TNS3: variants seen among roughly 807,000 people sequenced by gnomAD.
The protein encoded by TNS3 is tensin 3, also known as tensin-3.
Under a neutral mutation model 140.9 loss-of-function variants are expected in TNS3, and 45 were observed. The ratio of observed to expected loss-of-function variants is 0.32; its 90% CI spans 0.25 to 0.41. The LOEUF (loss-of-function observed/expected upper bound fraction) is 0.41. Ranked by LOEUF, TNS3 falls within the 10% of genes least tolerant of loss-of-function variation. The pLI is 1.00. For missense variants in TNS3, 1,716 were observed against 1,906.7 expected (o/e 0.90, Z 1.86); for synonymous variants, 815 against 788.4 (o/e 1.03, Z -0.56).
chr7:47,568,684 C>T (rs1426341687), intron 1 of TNS3, among the ~76,000 whole-genome samples: 2 of 152,262 alleles, frequency 1.3e-5, no homozygotes, highest in Non-Finnish European at 2.9e-5. Flanking sequence ...GGTCTATGAG[C>T]GGCTGCTGTG....
chr7:47,411,887 C>T, intron 12 of TNS3, 85 bp from the exon 13 acceptor site: 2 of 1,274,670 alleles, frequency 1.6e-6, no homozygotes, highest in Non-Finnish European at 2.2e-6. Flanking sequence ...AACCCTACAA[C>T]CCAAAACTCA....
At chr7:47,342,785 G>T (rs1276568361) in intron 20 of TNS3, among the ~76,000 whole-genome samples, 1 of 152,150 alleles carries the variant, frequency 6.6e-6, no homozygotes, top group East Asian at 1.9e-4. Context: ...AAAGATCAGG[G>T]GACACATTCT....
At chr7:47,471,775 C>A (rs1392638937) in intron 4 of TNS3, among the ~76,000 whole-genome samples, 4 of 152,208 alleles carry the variant, frequency 2.6e-5, no homozygotes, top group African/African-American at 9.6e-5. Context: ...CAGCTCCTCG[C>A]GGCCCATGTC....
intron 8 of TNS3, among the ~76,000 whole-genome samples, chr7:47,434,309 G>GAAA (rs34227350): frequency 5.4e-5 from 7 of 130,710 alleles, no homozygotes; most frequent in Non-Finnish European, 8.1e-5. Context: ...GAGTCCGGAA[G>GAAA]AAAAAAAAAA....
chr7:47,367,999 T>C (rs951120522), intron 17 of TNS3, among the ~76,000 whole-genome samples: 5 of 152,004 alleles, frequency 3.3e-5, no homozygotes, highest in African/African-American at 1.2e-4. Flanking sequence ...CAGAAGTAAG[T>C]ATGCTTTCTT....
At chr7:47,281,592 G>C (rs1355455255) in intron 28 of TNS3, among the ~76,000 whole-genome samples, 1 of 152,202 alleles carries the variant, frequency 6.6e-6, no homozygotes, top group East Asian at 1.9e-4. Context: ...GCTGATTGTT[G>C]GTGAGAAGAT....
intron 20 of TNS3, among the ~76,000 whole-genome samples, chr7:47,328,111 T>C (rs969960965): frequency 1.3e-5 from 2 of 152,142 alleles, no homozygotes; most frequent in Non-Finnish European, 2.9e-5. Context: ...GTCCCAGCGG[T>C]GGCGTCCCCC....
chr7:47,574,691 C>T (rs566019891), intron 1 of TNS3, among the ~76,000 whole-genome samples: 3 of 151,980 alleles, frequency 2.0e-5, no homozygotes, highest in Non-Finnish European at 4.4e-5. Context: ...AGAGAGAAAT[C>T]GTGACACATG....
intron 1 of TNS3, among the ~76,000 whole-genome samples, chr7:47,544,345 G>A (rs576840364): frequency 1.3e-5 from 2 of 152,044 alleles, no homozygotes; most frequent in African/African-American, 2.4e-5. Flanking sequence ...ATGGTAAAAC[G>A]GACCCCCACA....
At chr7:47,413,067 C>T (rs1172743643) in intron 12 of TNS3, among the ~76,000 whole-genome samples, 1 of 151,704 alleles carries the variant, frequency 6.6e-6, no homozygotes, top group African/African-American at 2.4e-5. Context: ...AATTCTCCTG[C>T]CTCAGCCTCC....
intron 13 of TNS3, chr7:47,405,694 C>T (rs1206085580): frequency 3.0e-6 from 2 of 662,888 alleles, no homozygotes; most frequent in Non-Finnish European, 5.5e-6. Flanking sequence ...CAAAATAATG[C>T]TGTGATGCGT....
At chr7:47,389,166 C>CAGCAGA (rs879867974) in intron 16 of TNS3, among the ~76,000 whole-genome samples, 493 of 3,702 alleles carry the variant, frequency 0.13, 50 homozygotes, top group Non-Finnish European at 0.46. Flanking sequence ...GCAGAAGAAG[C>CAGCAGA]AGCAGAAGCA....
At chr7:47,285,969 C>T (rs760031673) in intron 27 of TNS3, among the ~76,000 whole-genome samples, 1 of 152,116 alleles carries the variant, frequency 6.6e-6, no homozygotes, top group Non-Finnish European at 1.5e-5. Context: ...ATGATTAGAA[C>T]GGGAAAATGA....
At chr7:47,322,308 G>C (rs1180399064) in intron 20 of TNS3, among the ~76,000 whole-genome samples, 1 of 151,382 alleles carries the variant, frequency 6.6e-6, no homozygotes, top group Non-Finnish European at 1.5e-5. Context: ...CGGATCACGA[G>C]GTCAGGAATT....
At chr7:47,483,615 A>C (rs931493706) in intron 3 of TNS3, among the ~76,000 whole-genome samples, 9 of 152,202 alleles carry the variant, frequency 5.9e-5, no homozygotes, top group Non-Finnish European at 1.0e-4. Context: ...AGTTTTAAAG[A>C]CGGCAGCCAC....
chr7:47,314,054 C>T (rs2150787927), intron 20 of TNS3, among the ~76,000 whole-genome samples: 1 of 152,346 alleles, frequency 6.6e-6, no homozygotes, highest in East Asian at 1.9e-4. Context: ...TCCTGAAGGT[C>T]CTTGGTCTTT....
intron 28 of TNS3, 45 bp from the exon 29 acceptor site, chr7:47,280,399 T>A (rs1235930251): frequency 1.3e-6 from 2 of 1,576,734 alleles, no homozygotes; most frequent in Non-Finnish European, 1.7e-6. Context: ...TTACTAGGGC[T>A]TTTGGGTGAT....
intron 1 of TNS3, among the ~76,000 whole-genome samples, chr7:47,552,262 G>T (rs1176379169): frequency 3.3e-5 from 5 of 152,174 alleles, no homozygotes; most frequent in Non-Finnish European, 7.3e-5. Flanking sequence ...CTTGGCACAT[G>T]AGTGAAGGCG....
chr7:47,376,891 G>A (rs1046615819), intron 16 of TNS3, among the ~76,000 whole-genome samples: 1 of 152,198 alleles, frequency 6.6e-6, no homozygotes, highest in African/African-American at 2.4e-5. Context: ...CACAGTTTTT[G>A]TTCCGTTTCT....
Sources: gnomAD v4.1 joint callset for allele counts (sites outside exome capture counted in the v4.1 genomes callset) on GRCh38, gnomAD v4.1.1 for gene constraint, MANE v1.5 for transcripts, NCBI Gene and HGNC (gene_info 2026-07-23, HGNC 2026-07-21) for gene names.